PIK3R3: variants seen among roughly 807,000 people sequenced by gnomAD.
PIK3R3 encodes phosphatidylinositol 3-kinase regulatory subunit gamma.
A neutral mutation model predicts 62.9 loss-of-function variants in PIK3R3; 64 were observed. That is an observed-to-expected ratio of 1.02 (90% CI 0.83 to 1.25). The LOEUF (loss-of-function observed/expected upper bound fraction) is 1.25. Among genes scored for constraint, PIK3R3 ranks in the 50% most tolerant of loss-of-function variants. The probability of loss-of-function intolerance (pLI) is 0.00; values close to 1 mark genes in which losing one functional copy is unlikely to be tolerated. For missense variants in PIK3R3, 614 were observed against 561.6 expected, an observed-to-expected ratio of 1.09 and a Z score of -0.94; for synonymous variants, 165 against 189.0, an observed-to-expected ratio of 0.87 and a Z score of 1.04.
chr1:46,084,000 A>C (rs947593619), intron 1 of PIK3R3, among the ~76,000 whole-genome samples: 3 of 152,240 alleles, frequency 2.0e-5, no homozygotes, highest in East Asian at 1.9e-4. Flanking sequence ...ATAATGGCCC[A>C]AAAATGGAAA....
At chr1:46,160,749 G>A in the PIK3R3 span, among the ~76,000 whole-genome samples, 4 of 152,182 alleles carry the variant, frequency 2.6e-5, no homozygotes, top group Non-Finnish European at 5.9e-5. Context: ...GCCCCACTTG[G>A]GTGAAATGCC....
At chr1:46,113,213 C>T (rs977750297) in intron 1 of PIK3R3, among the ~76,000 whole-genome samples, 10 of 152,220 alleles carry the variant, frequency 6.6e-5, no homozygotes, top group Non-Finnish European at 1.5e-4. Flanking sequence ...AAAATTCAAC[C>T]CCTAAATATA....
At position 46,077,536 on chromosome 1, in the gene PIK3R3, C is replaced by T. The variant is rs1359482036; in HGVS notation, c.293G>A (p.Gly98Glu). 2.5e-6 allele frequency: 4 copies of T among 1,609,432 alleles called. No homozygotes were observed. In the African/African-American group the frequency reaches 5.3e-5, roughly 22 times the overall value. ...TTACCGCAAAGTCAAAGTATAATCT[C>T]CCTGCATTTTTGTTGAGGCATCTCG... ...LVRDASTKMQ[G>E]DYTLTLRKGG... is the part of the protein sequence containing the mutation. Residue 98 changes from glycine to glutamate, a missense_variant, in exon 3 of 10, where the codon GGA becomes GAA. Physicochemically the swap from Gly to Glu is moderately conservative, Grantham distance 98. Coordinates refer to ENST00000262741, the MANE Select transcript of PIK3R3 (RefSeq NM_003629.4).
chr1:46,150,936 G>A, the PIK3R3 span, among the ~76,000 whole-genome samples: 1 of 151,424 alleles, frequency 6.6e-6, no homozygotes, highest in Non-Finnish European at 1.5e-5. Flanking sequence ...AGCCTCAGGA[G>A]TAACTGGGAT....
At chr1:46,117,175 A>AGTGG (rs1654258183) in intron 1 of PIK3R3, among the ~76,000 whole-genome samples, 1 of 152,150 alleles carries the variant, frequency 6.6e-6, no homozygotes, top group Non-Finnish European at 1.5e-5. Context: ...GCTCACATCT[A>AGTGG]TAATCCCAGC....
the PIK3R3 span, among the ~76,000 whole-genome samples, chr1:46,159,130 T>A: frequency 7.4e-6 from 1 of 135,398 alleles, no homozygotes; most frequent in Non-Finnish European, 1.6e-5. Flanking sequence ...TAAAATAAAA[T>A]GGCAAATAAT....
chr1:46,041,390 G>A lies in PIK3R3; in HGVS notation c.*2283C>T, dbSNP rs1427842775. 3 of 171,388 alleles carry A rather than the reference G, an allele frequency of 1.8e-5. No individual in the cohort carries two copies. Among genetic ancestry groups the A allele is most frequent in the African/African-American group, 7.2e-5 (3 of 41,944 alleles). 10.6% of individuals were successfully genotyped at this position (171,388 alleles called of 1,614,324 possible). ...AGAATGAAAAAAAAAATGAAGGAAT[G>A]TAGGACTGAAAAAAAGCAGCCCTTC... On this transcript the variant is annotated 3_prime_UTR_variant, in exon 10 of 10. Transcript: ENST00000262741.
the PIK3R3 span, among the ~76,000 whole-genome samples, chr1:46,144,392 A>G: frequency 6.6e-6 from 1 of 152,220 alleles, no homozygotes; most frequent in Non-Finnish European, 1.5e-5. Flanking sequence ...TGCAGGGCCC[A>G]GGATGAGAAT....
intron 1 of PIK3R3, among the ~76,000 whole-genome samples, chr1:46,084,112 T>C (rs2149418782): frequency 6.6e-6 from 1 of 152,344 alleles, no homozygotes; most frequent in African/African-American, 2.4e-5. Context: ...TACTGATATG[T>C]TACAACATGG....
intron 1 of PIK3R3, among the ~76,000 whole-genome samples, chr1:46,122,401 G>A (rs1557632900): frequency 1.3e-5 from 2 of 152,064 alleles, no homozygotes; most frequent in East Asian, 1.9e-4. Flanking sequence ...ACAGAGTCTC[G>A]CTCTGTCACC....
At chr1:46,104,228 A>G (rs1038182833) in intron 1 of PIK3R3, among the ~76,000 whole-genome samples, 5 of 152,184 alleles carry the variant, frequency 3.3e-5, no homozygotes, top group East Asian at 1.9e-4. Context: ...ACGCCTGGAC[A>G]TGAAGTTTTT....
intron 1 of PIK3R3, among the ~76,000 whole-genome samples, chr1:46,114,287 C>G (rs1653986900): frequency 6.6e-6 from 1 of 152,122 alleles, no homozygotes; most frequent in Admixed American, 6.5e-5. Flanking sequence ...TCAGGAAGTT[C>G]TTACCTAAAT....
chr1:46,096,182 T>C (rs1323826426), intron 1 of PIK3R3, among the ~76,000 whole-genome samples: 1 of 152,252 alleles, frequency 6.6e-6, no homozygotes, highest in Admixed American at 6.5e-5. Flanking sequence ...ACTGTATTTG[T>C]TTCTTAGCAT....
intron 1 of PIK3R3, among the ~76,000 whole-genome samples, chr1:46,112,777 A>G (rs1653851286): frequency 6.6e-6 from 1 of 152,154 alleles, no homozygotes. Flanking sequence ...CTCCTGCCCA[A>G]GTGAAGCCTA....
intron 7 of PIK3R3, among the ~76,000 whole-genome samples, chr1:46,051,426 A>G (rs1025783321): frequency 2.6e-5 from 4 of 151,862 alleles, no homozygotes; most frequent in South Asian, 2.1e-4. Context: ...ATGCCTGACT[A>G]ATTTTTGTAT....
At chr1:46,111,453 G>A (rs996709300) in intron 1 of PIK3R3, among the ~76,000 whole-genome samples, 3 of 151,974 alleles carry the variant, frequency 2.0e-5, no homozygotes, top group South Asian at 2.1e-4. Flanking sequence ...TAGGCTCCAT[G>A]CAGTGCTCAT....
intron 1 of PIK3R3, chr1:46,105,085 T>C: frequency 1.3e-6 from 1 of 743,952 alleles, no homozygotes; most frequent in Non-Finnish European, 2.5e-6. Flanking sequence ...TCTCTATTGC[T>C]GTATGGACTT....
upstream of PIK3R3, among the ~76,000 whole-genome samples, chr1:46,136,066 T>TA (rs1410809398): frequency 7.8e-6 from 1 of 127,968 alleles, no homozygotes; most frequent in Non-Finnish European, 1.7e-5. Context: ...AAAATGGAAA[T>TA]ATACTTTTTT....
chr1:46,117,677 G>T (rs964416990), intron 1 of PIK3R3, among the ~76,000 whole-genome samples: 1 of 152,160 alleles, frequency 6.6e-6, no homozygotes. Context: ...AGCCTAGGAG[G>T]TTAAGGCTGT....
Sources: gnomAD v4.1 joint callset for allele counts (sites outside exome capture counted in the v4.1 genomes callset) on GRCh38, gnomAD v4.1.1 for gene constraint, MANE v1.5 for transcripts, NCBI Gene and HGNC (gene_info 2026-07-23, HGNC 2026-07-21) for gene names.